KRABD3: variants seen among roughly 807,000 people sequenced by gnomAD.
KRABD3 encodes the protein KRAB domain containing 3.
At chr7:149,725,945 C>T in the KRABD3 span, 2 of 1,601,662 alleles carry the variant, frequency 1.2e-6, no homozygotes, top group East Asian at 2.3e-5. Context: ...GAGATGGCCC[C>T]AGCAGGCCCC....
At chr7:149,721,516 G>A in the KRABD3 span, 3 of 1,611,796 alleles carry the variant, frequency 1.9e-6, no homozygotes, top group African/African-American at 4.0e-5. Context: ...ACGGGGTCCA[G>A]GGAAGTCCTC....
At chr7:149,730,588 AG>A in the KRABD3 span, 1 of 1,606,902 alleles carries the variant, frequency 6.2e-7, no homozygotes, top group South Asian at 1.1e-5. Context: ...GGGTCTCCTG[AG>A]GGGGCGCCCA....
the KRABD3 span, chr7:149,724,890 G>A: frequency 6.8e-7 from 1 of 1,477,508 alleles, no homozygotes; most frequent in South Asian, 1.4e-5. Flanking sequence ...CTTCCCCATG[G>A]GCTTGTCAGT....
At chr7:149,722,421 G>T in the KRABD3 span, 3 of 1,604,370 alleles carry the variant, frequency 1.9e-6, no homozygotes, top group South Asian at 3.4e-5. Context: ...TCCTGCAACA[G>T]AAACTGCCGA....
the KRABD3 span, chr7:149,734,226 G>A: frequency 2.0e-5 from 16 of 792,248 alleles, no homozygotes; most frequent in Admixed American, 3.0e-5. Context: ...TGCTCAGGAG[G>A]CTGCTGTGGG....
the KRABD3 span, chr7:149,733,937 A>T: frequency 2.6e-5 from 42 of 1,597,484 alleles, no homozygotes; most frequent in East Asian, 9.5e-4. Flanking sequence ...ACCAGACGGG[A>T]TCCCAGAGCG....
chr7:149,719,725 G>T, the KRABD3 span: 3 of 1,565,852 alleles, frequency 1.9e-6, no homozygotes, highest in East Asian at 6.9e-5. The surrounding 1 kb of genome is among the most constrained non-coding windows in gnomAD (Gnocchi z 5.6). Context: ...GGCGGTGGAA[G>T]GGAGGCCGGA....
the KRABD3 span, chr7:149,733,674 C>T: frequency 6.3e-7 from 1 of 1,586,176 alleles, no homozygotes; most frequent in South Asian, 1.1e-5. Context: ...TCCAGAGGGA[C>T]CGCTCGCCGG....
At chr7:149,730,454 C>T in the KRABD3 span, 37 of 1,600,712 alleles carry the variant, frequency 2.3e-5, no homozygotes, top group South Asian at 2.6e-4. Flanking sequence ...CAGCTGTAAG[C>T]CTCCTGTCCC....
At chr7:149,733,973 G>T in the KRABD3 span, 1 of 1,608,580 alleles carries the variant, frequency 6.2e-7, no homozygotes, top group Non-Finnish European at 8.5e-7. Flanking sequence ...CAGCCTGCTG[G>T]GAGGAGTGCA....
At chr7:149,716,026 G>A in the KRABD3 span, among the ~76,000 whole-genome samples, 10 of 152,322 alleles carry the variant, frequency 6.6e-5, no homozygotes, top group African/African-American at 2.2e-4. Flanking sequence ...TCATGGAGAA[G>A]GTGGCCAGGA....
chr7:149,729,149 C>T, the KRABD3 span: 55 of 1,431,022 alleles, frequency 3.8e-5, no homozygotes, highest in African/African-American at 5.7e-4. Context: ...CACGAGGCCC[C>T]GTGGGGCTGA....
chr7:149,723,973 A>G, the KRABD3 span: 1 of 1,440,124 alleles, frequency 6.9e-7, no homozygotes, highest in Non-Finnish European at 9.5e-7. Context: ...GGCCCCCACC[A>G]CAAACACTCA....
At chr7:149,729,604 G>A in the KRABD3 span, 1 of 985,330 alleles carries the variant, frequency 1.0e-6, no homozygotes, top group African/African-American at 1.7e-5. Flanking sequence ...CATCCATTGG[G>A]TTTCTCCAGT....
the KRABD3 span, chr7:149,730,227 G>A: frequency 5.1e-6 from 8 of 1,568,512 alleles, no homozygotes; most frequent in Middle Eastern, 1.7e-4. Flanking sequence ...CTTGCGCTTC[G>A]CCTGCGTGGG....
chr7:149,720,907 T>A, the KRABD3 span: 1 of 1,612,984 alleles, frequency 6.2e-7, no homozygotes, highest in Non-Finnish European at 8.5e-7. Flanking sequence ...GAGTTCTTGT[T>A]TGGAGAAGTC....
chr7:149,726,188 G>T, the KRABD3 span: 7 of 826,596 alleles, frequency 8.5e-6, no homozygotes, highest in Non-Finnish European at 1.3e-5. Flanking sequence ...GGATACTGAG[G>T]CAGGAGCAGA....
chr7:149,725,856 C>G, the KRABD3 span: 1 of 1,502,600 alleles, frequency 6.7e-7, no homozygotes, highest in South Asian at 1.3e-5. Context: ...AGTGAGCCTC[C>G]TGGTGACCAC....
chr7:149,724,728 C>G, the KRABD3 span: 7 of 1,552,406 alleles, frequency 4.5e-6, no homozygotes, highest in African/African-American at 9.6e-5. Context: ...AGATGGAGAA[C>G]AGCTGGGTCC....
Sources: gnomAD v4.1 joint callset for allele counts (sites outside exome capture counted in the v4.1 genomes callset) on GRCh38, gnomAD v4.1.1 for gene constraint, Gnocchi (gnomAD v3.1) non-coding constraint, MANE v1.5 for transcripts, NCBI Gene and HGNC (gene_info 2026-07-23, HGNC 2026-07-21) for gene names.